The following UTP11 variants were observed in gnomAD, a reference collection of about 807,000 sequenced individuals.
The protein encoded by UTP11 is probable U3 small nucleolar RNA-associated protein 11.
In UTP11, 29 loss-of-function variants were observed where a neutral mutation model predicts 39.0. The ratio of observed to expected loss-of-function variants is 0.74; its 90% CI spans 0.55 to 1.01. UTP11 has a LOEUF of 1.01. Among genes scored for constraint, UTP11 ranks in the 50% least tolerant of loss-of-function variants. The probability of loss-of-function intolerance (pLI) is 0.00; values close to 1 mark genes in which losing one functional copy is unlikely to be tolerated. For missense variants in UTP11, 281 were observed against 306.0 expected (o/e 0.92, Z 0.61); for synonymous variants, 111 against 105.0 (o/e 1.06, Z -0.35).
rs1353895150 is a variant in UTP11, at chr1:38,017,767, C to G, written c.225C>G (p.Leu75=). Residue 75 remains leucine (L), a synonymous_variant, in exon 3 of 8, where the codon CTC becomes CTG. Transcript: ENST00000373014. The part of the protein sequence containing the change: ...EFYYKMTRVK[L]QDGVHIIKET... Reference sequence around the variant, plus strand: ...ACTACAAAATGACTCGGGTTAAACTCCAGGTGGGTGCCCAATGGCTTGGTT... The same window carrying G: ...ACTACAAAATGACTCGGGTTAAACTGCAGGTGGGTGCCCAATGGCTTGGTT... The G allele has an allele frequency of 1.2e-6, 2 of 1,607,556 alleles. No homozygotes were observed. The highest frequency in any genetic ancestry group is 2.7e-5 in the African/African-American group (2 of 74,458).
chr1:38,014,095 A>G (rs1471807247), intron 1 of UTP11, among the ~76,000 whole-genome samples: 1 of 152,222 alleles, frequency 6.6e-6, no homozygotes, highest in Non-Finnish European at 1.5e-5. Context: ...TAATCCTACA[A>G]CATCCCTCTG....
At chr1:38,016,282 C>A in intron 1 of UTP11, 77 bp from the exon 2 acceptor site, 1 of 1,442,114 alleles carries the variant, frequency 6.9e-7, no homozygotes, top group South Asian at 1.1e-5. Context: ...ACTCCTGTGC[C>A]TGTTAGATGT....
At chr1:38,022,520 A>G (rs981609432) in intron 6 of UTP11, among the ~76,000 whole-genome samples, 179 bp from the exon 7 acceptor site, 14 of 152,108 alleles carry the variant, frequency 9.2e-5, no homozygotes, top group African/African-American at 2.7e-4. Flanking sequence ...GGTTCCTTTC[A>G]GCTCCAGAAT....
intron 3 of UTP11, 61 bp from the exon 4 acceptor site, chr1:38,018,403 C>A: frequency 7.5e-7 from 1 of 1,325,274 alleles, no homozygotes; most frequent in Admixed American, 1.8e-5. Flanking sequence ...GTGCACTGTG[C>A]CAACAACTTA....
intron 1 of UTP11, among the ~76,000 whole-genome samples, chr1:38,014,864 G>A (rs997924403): frequency 4.6e-5 from 7 of 151,722 alleles, no homozygotes; most frequent in Admixed American, 3.9e-4. Flanking sequence ...GGCTGGTCTC[G>A]AACTCCTGGG....
rs1646746592 is a variant in UTP11, at chr1:38,022,865, T to C, written c.678+56T>C. ...TTTTTTTTCCCCCTTTTCTTTCTTG[T>C]AAAGGTCTTAACTCAGACTAGATTT... On this transcript the variant is annotated intron_variant, in intron 7 of 7. Coordinates refer to ENST00000373014, the MANE Select transcript of UTP11 (RefSeq NM_016037.4). 2.5e-6 allele frequency: 3 copies of C among 1,219,524 alleles called. No homozygotes were observed. The South Asian group carries it at 4.0e-5, about 16-fold the overall frequency. The allele number at this position is 1,219,524 out of a possible 1,614,324, so 75.5% of individuals were successfully genotyped here. A position where few individuals can be genotyped will look rare whatever the true frequency, so the allele number is the denominator to read the frequency against.
chr1:38,022,782 G>A lies in UTP11; in HGVS notation c.651G>A (p.Gln217=), dbSNP rs752201840. ...AGAAGAAATTGTTCGTTATTGCTCA[G>A]AAAATTCAAACACGCAAAGATCTTA... ...EREKKLFVIA[Q]KIQTRKDLMD... is the part of the protein sequence containing the mutation. The change falls in exon 7 of 8, where the codon CAG becomes CAA. Residue 217 remains glutamine, a synonymous_variant. Transcript: ENST00000373014. The A allele has an allele frequency of 5.6e-6, 9 of 1,613,082 alleles. No homozygotes were observed. In the East Asian group the frequency reaches 2.0e-4, roughly 36 times the overall value.
Position 38,022,101 on chromosome 1 carries a change from C to G in UTP11, c.568-598C>G, listed in dbSNP as rs368653047. Among the ~76,000 whole-genome samples, 84 of 152,194 alleles carry G rather than the reference C, an allele frequency of 5.5e-4. 1 individual carries two copies. The highest frequency in any genetic ancestry group is 2.1e-3 in the East Asian group (11 of 5,182). On this transcript the variant is annotated intron_variant, in intron 6 of 7. Coordinates refer to ENST00000373014, the MANE Select transcript of UTP11 (RefSeq NM_016037.4). The stretch of plus-strand genomic sequence containing the variant: ...CACTGCCTGGGGACCCTTCTGTTGC[C>G]GACTCTTCTGTTGCTCTCCATTCAC...
At chr1:38,021,201 G>C (rs1352557854) in intron 6 of UTP11, among the ~76,000 whole-genome samples, 1 of 152,138 alleles carries the variant, frequency 6.6e-6, no homozygotes, top group Non-Finnish European at 1.5e-5. Flanking sequence ...GATTACAGGC[G>C]TGAGCTACCG....
intron 6 of UTP11, among the ~76,000 whole-genome samples, chr1:38,021,612 G>A (rs975516962): frequency 2.0e-5 from 3 of 152,206 alleles, no homozygotes; most frequent in African/African-American, 7.2e-5. Flanking sequence ...AACATCCCAT[G>A]CTGGGCGTGG....
intron 6 of UTP11, among the ~76,000 whole-genome samples, chr1:38,021,619 G>A (rs950582452): frequency 3.3e-5 from 5 of 152,212 alleles, no homozygotes; most frequent in East Asian, 1.9e-4. Flanking sequence ...CATGCTGGGC[G>A]TGGTGGCTCA....
chr1:38,020,215 C>T (rs1443957499), intron 6 of UTP11, among the ~76,000 whole-genome samples: 2 of 152,108 alleles, frequency 1.3e-5, no homozygotes, highest in Non-Finnish European at 2.9e-5. Flanking sequence ...GATCCTCCTG[C>T]CTCAGCCTCC....
chr1:38,014,811 T>A (rs903316954), intron 1 of UTP11, among the ~76,000 whole-genome samples: 1 of 152,270 alleles, frequency 6.6e-6, no homozygotes, highest in Middle Eastern at 3.4e-3. Flanking sequence ...AATTTTATTT[T>A]ATTTTTTTAA....
chr1:38,016,376 T>G lies in UTP11; in HGVS notation c.81T>G (p.His27Gln), dbSNP rs1184730654. ...RERSQPGFRK[H>Q]LGLLEKKKDY... ...TCTTCTAGCCTGGCTTTCGAAAACA[T>G]CTGGGCCTGCTGGAGAAAAAGAAAG... is the stretch of plus-strand genomic sequence containing the variant. Residue 27 changes from histidine to glutamine, a missense_variant, in exon 2 of 8, where the codon CAT becomes CAG. Transcript: ENST00000373014. 18 of 1,614,086 alleles carry G rather than the reference T, an allele frequency of 1.1e-5. No individual in the cohort carries two copies. Among genetic ancestry groups the G allele is most frequent in the Non-Finnish European group, 1.5e-5 (18 of 1,180,030 alleles).
chr1:38,015,264 C>T (rs923841517), intron 1 of UTP11, among the ~76,000 whole-genome samples: 1 of 152,198 alleles, frequency 6.6e-6, no homozygotes, highest in Admixed American at 6.5e-5. Flanking sequence ...TCAGATGCCC[C>T]ACCCACCGTG....
chr1:38,022,622 A>G, intron 6 of UTP11, 77 bp from the exon 7 acceptor site: 1 of 994,444 alleles, frequency 1.0e-6, no homozygotes, highest in Non-Finnish European at 1.6e-6. Context: ...AGTTGGCTTA[A>G]ATGGATTAAG....
At chr1:38,016,150 C>T (rs1324209221) in intron 1 of UTP11, among the ~76,000 whole-genome samples, 1 of 152,262 alleles carries the variant, frequency 6.6e-6, no homozygotes, top group Non-Finnish European at 1.5e-5. Flanking sequence ...TACAGCAGTG[C>T]TTGTGACCTG....
At chr1:38,021,519 C>G (rs1327768216) in intron 6 of UTP11, among the ~76,000 whole-genome samples, 1 of 152,136 alleles carries the variant, frequency 6.6e-6, no homozygotes, top group Non-Finnish European at 1.5e-5. Flanking sequence ...GAGAAAACCC[C>G]CCTTTCTCAC....
In UTP11 at chr1:38,017,900, C is replaced by A. The variant is rs1646715426; in HGVS notation, c.228+130C>A. Reference sequence around the variant, plus strand: ...TCTGGTTACTCCAGGTGCTCTTGGTCAGTGTCCAAGGCAAACCCTCCACTT... The same window carrying A: ...TCTGGTTACTCCAGGTGCTCTTGGTAAGTGTCCAAGGCAAACCCTCCACTT... On this transcript the variant is annotated intron_variant, in intron 3 of 7. Coordinates refer to ENST00000373014, the MANE Select transcript of UTP11 (RefSeq NM_016037.4). 1.7e-5 allele frequency: 14 copies of A among 806,298 alleles called. No homozygotes were observed. The East Asian group carries it at 3.8e-4, about 22-fold the overall frequency. 49.9% of individuals were successfully genotyped at this position (806,298 alleles called of 1,614,324 possible).
Sources: allele counts gnomAD v4.1 joint callset (sites outside exome capture counted in the v4.1 genomes callset), GRCh38; gene constraint gnomAD v4.1.1; transcripts MANE v1.5; gene names NCBI Gene and HGNC (gene_info 2026-07-23, HGNC 2026-07-21).